Variants in ERI3 observed in about 807,000 individuals in gnomAD.
The protein encoded by ERI3 is ERI1 exoribonuclease family member 3, also known as ERI1 exoribonuclease 3.
ERI3 carries 18 observed loss-of-function variants against 44.4 expected under a neutral mutation model. That is an observed-to-expected ratio of 0.41 (90% CI 0.28 to 0.60). The LOEUF (loss-of-function observed/expected upper bound fraction) is 0.60. ERI3 is among the 20% of genes least tolerant of loss of function. ERI3 has a pLI of 0.36. For synonymous variants in ERI3, 183 were observed against 164.8 expected (o/e 1.11, Z -0.84); for missense variants, 294 against 435.5 (o/e 0.68, Z 2.89).
At position 44,342,810 on chromosome 1, in the gene ERI3, CTAAT is replaced by C. The variant is rs1273611952; in HGVS notation, c.212-3492_212-3489del. Among the ~76,000 whole-genome samples the C allele has an allele frequency of 2.6e-4, 11 of 42,852 alleles. 1 individual carries two copies. The highest frequency in any genetic ancestry group is 4.3e-4 in the Non-Finnish European group (10 of 23,508). The allele number at this position is 42,852 out of a possible 152,430, so 28.1% of individuals were successfully genotyped here. A position where few individuals can be genotyped will look rare whatever the true frequency, so the allele number is the denominator to read the frequency against. On this transcript the variant is annotated intron_variant, in intron 2 of 8. Transcript: ENST00000372257. ...CACAGGCATGTGCCACCACATCCAG[CTAAT>C]ATATATATATATATATATATATATA...
chr1:44,233,826 G>A (rs1009488395), intron 8 of ERI3, among the ~76,000 whole-genome samples: 5 of 152,142 alleles, frequency 3.3e-5, no homozygotes, highest in Non-Finnish European at 7.4e-5. Context: ...CCCTTTTAGA[G>A]GCAAACTTCA....
chr1:44,331,278 G>C (rs1646422358), intron 3 of ERI3, among the ~76,000 whole-genome samples: 2 of 152,002 alleles, frequency 1.3e-5, no homozygotes, highest in East Asian at 3.9e-4. Context: ...GTAGGTCCTA[G>C]CAGATCCAGA....
chr1:44,275,075 G>A (rs556499004), intron 7 of ERI3, among the ~76,000 whole-genome samples: 1 of 152,054 alleles, frequency 6.6e-6, no homozygotes, highest in Non-Finnish European at 1.5e-5. Flanking sequence ...TGCCCTCAGT[G>A]CAAACTCTCC....
chr1:44,310,999 A>G (rs1181076158), intron 5 of ERI3, among the ~76,000 whole-genome samples: 4 of 142,234 alleles, frequency 2.8e-5, no homozygotes, highest in African/African-American at 9.9e-5. Context: ...ACACACACAC[A>G]CACACACACA....
At chr1:44,348,585 G>C (rs1646830848) in intron 2 of ERI3, among the ~76,000 whole-genome samples, 1 of 152,228 alleles carries the variant, frequency 6.6e-6, no homozygotes, top group Non-Finnish European at 1.5e-5. Flanking sequence ...TGTCCCCAAA[G>C]AGGAAAGCCT....
rs950579433 is a variant in ERI3, at chr1:44,241,837, T to C, written c.931+6102A>G. Reference sequence around the variant, plus strand: ...ATACATACATACATACATACATACATACATACATACATACAGGAGAACCTT... The same window carrying C: ...ATACATACATACATACATACATACACACATACATACATACAGGAGAACCTT... On this transcript the variant is annotated intron_variant, in intron 8 of 8. Coordinates refer to ENST00000372257, the MANE Select transcript of ERI3 (RefSeq NM_024066.3). This position sits in a 1 kb window ranked among gnomAD's most constrained non-coding sequence, Gnocchi z 5.6. 6 of 365,128 alleles carry C rather than the reference T, an allele frequency of 1.6e-5. No individual in the cohort carries two copies. Among genetic ancestry groups the C allele is most frequent in the Non-Finnish European group, 1.9e-5 (5 of 263,204 alleles). 22.6% of individuals were successfully genotyped at this position (365,128 alleles called of 1,614,324 possible). A position where few individuals can be genotyped will look rare whatever the true frequency, so the allele number is the denominator to read the frequency against.
At chr1:44,334,041 G>C (rs1572309583) in intron 3 of ERI3, among the ~76,000 whole-genome samples, 1 of 152,326 alleles carries the variant, frequency 6.6e-6, no homozygotes, top group Middle Eastern at 3.4e-3. Flanking sequence ...AAGGCAAACA[G>C]TCAGTAGGGC....
intron 6 of ERI3, among the ~76,000 whole-genome samples, chr1:44,298,939 A>T (rs1645666830): frequency 6.6e-6 from 1 of 152,178 alleles, no homozygotes; most frequent in Non-Finnish European, 1.5e-5. Flanking sequence ...GCATGATTCC[A>T]TTTATACGAA....
chr1:44,232,868 C>A (rs1644218700), intron 8 of ERI3, among the ~76,000 whole-genome samples: 1 of 152,178 alleles, frequency 6.6e-6, no homozygotes, highest in Non-Finnish European at 1.5e-5. Flanking sequence ...TATAATTATA[C>A]AGGGGTTCTA....
chr1:44,242,381 T>C (rs976172166), intron 8 of ERI3, among the ~76,000 whole-genome samples: 1 of 152,220 alleles, frequency 6.6e-6, no homozygotes, highest in Non-Finnish European at 1.5e-5. Flanking sequence ...TGAATCTCAC[T>C]GATTCTGAGG....
At chr1:44,251,250 T>C (rs1232411991) in intron 7 of ERI3, among the ~76,000 whole-genome samples, 1 of 152,214 alleles carries the variant, frequency 6.6e-6, no homozygotes, top group Non-Finnish European at 1.5e-5. Flanking sequence ...CCCATGCCTC[T>C]CCCCACAAGA....
In ERI3 at chr1:44,228,508, G is replaced by A. The variant is rs144031870; in HGVS notation, c.932-6868C>T. Reference sequence around the variant, plus strand: ...ATCACTTCAGAGAAGTATGCGGACCGAAGATGTTTTTAAAAAAATCCTCAT... The same window carrying A: ...ATCACTTCAGAGAAGTATGCGGACCAAAGATGTTTTTAAAAAAATCCTCAT... On this transcript the variant is annotated intron_variant, in intron 8 of 8. Coordinates refer to ENST00000372257, the MANE Select transcript of ERI3 (RefSeq NM_024066.3). This position sits in a 1 kb window ranked among gnomAD's most constrained non-coding sequence, Gnocchi z 4.3. 1.3e-5 allele frequency among the ~76,000 whole-genome samples: 2 copies of A among 152,270 alleles called. No homozygotes were observed. The highest frequency in any genetic ancestry group is 2.4e-5 in the African/African-American group (1 of 41,540).
chr1:44,246,568 G>T (rs1267541744), intron 8 of ERI3, among the ~76,000 whole-genome samples: 1 of 152,186 alleles, frequency 6.6e-6, no homozygotes, highest in Non-Finnish European at 1.5e-5. Flanking sequence ...AGAATATGGG[G>T]GCATCCCTCC....
chr1:44,230,655 G>A (rs1450762995), intron 8 of ERI3, among the ~76,000 whole-genome samples: 2 of 152,242 alleles, frequency 1.3e-5, no homozygotes, highest in Non-Finnish European at 2.9e-5. Context: ...CCACGTGCCA[G>A]CAGACTATCT....
rs1335972200 is a variant in ERI3, at chr1:44,241,805, C to T, written c.931+6134G>A. ...TTCCTAAAGAATCAAACACACATAA[C>T]ACATACATACATACATACATACATA... is the stretch of plus-strand genomic sequence containing the variant. On this transcript the variant is annotated intron_variant, in intron 8 of 8. Coordinates refer to ENST00000372257, the MANE Select transcript of ERI3 (RefSeq NM_024066.3). This position sits in a 1 kb window ranked among gnomAD's most constrained non-coding sequence, Gnocchi z 5.6. The T allele has an allele frequency of 5.7e-6, 1 of 174,918 alleles. No individual in the cohort carries two copies. Among genetic ancestry groups the T allele is most frequent in the Non-Finnish European group, 1.1e-5 (1 of 92,404 alleles). 10.8% of individuals were successfully genotyped at this position (174,918 alleles called of 1,614,324 possible).
chr1:44,301,960 G>A (rs1010573445), intron 6 of ERI3, among the ~76,000 whole-genome samples: 2 of 152,114 alleles, frequency 1.3e-5, no homozygotes, highest in African/African-American at 2.4e-5. Context: ...TTTCAACTTC[G>A]CTTGTGCTTG....
intron 3 of ERI3, chr1:44,322,926 G>A: frequency 1.4e-6 from 2 of 1,468,416 alleles, no homozygotes; most frequent in Non-Finnish European, 1.8e-6. Context: ...ACAGGTTAGT[G>A]GCATTAATCC....
At chr1:44,236,799 T>C (rs572886872) in intron 8 of ERI3, among the ~76,000 whole-genome samples, 1 of 152,232 alleles carries the variant, frequency 6.6e-6, no homozygotes, top group East Asian at 1.9e-4. Flanking sequence ...TCCGCCAAAA[T>C]GATCAAGCTG....
intron 4 of ERI3, among the ~76,000 whole-genome samples, chr1:44,319,318 A>C (rs1442578169): frequency 6.6e-6 from 1 of 152,202 alleles, no homozygotes; most frequent in Non-Finnish European, 1.5e-5. Context: ...AGGGGCCCTA[A>C]GGAAAACTGA....
Sources: gnomAD v4.1 joint callset for allele counts (sites outside exome capture counted in the v4.1 genomes callset) on GRCh38, gnomAD v4.1.1 for gene constraint, Gnocchi (gnomAD v3.1) non-coding constraint, MANE v1.5 for transcripts, NCBI Gene and HGNC (gene_info 2026-07-23, HGNC 2026-07-21) for gene names.